PRKDC: variants seen among roughly 807,000 people sequenced by gnomAD.
The protein encoded by PRKDC is DNA-dependent protein kinase catalytic subunit.
Under a neutral mutation model 486.9 loss-of-function variants are expected in PRKDC, and 82 were observed. The observed-to-expected ratio is 0.17, with a 90% CI of 0.14 to 0.20. The LOEUF (loss-of-function observed/expected upper bound fraction) is 0.20, where lower values mean the gene tolerates loss of function less well. Among genes scored for constraint, PRKDC ranks in the 10% least tolerant of loss-of-function variants. PRKDC has a pLI of 1.00. For missense variants in PRKDC, 4,504 were observed against 5,038.2 expected (o/e 0.89, Z 3.21); for synonymous variants, 1,895 against 1,837.0 (o/e 1.03, Z -0.81).
At chr8:47,937,373 T>C (rs924238103) in intron 11 of PRKDC, among the ~76,000 whole-genome samples, 4 of 152,248 alleles carry the variant, frequency 2.6e-5, no homozygotes, top group Admixed American at 2.0e-4. Flanking sequence ...TTGTCAGCTA[T>C]GTTCTAGGCA....
At chr8:47,951,168 T>C (rs2090619104) in intron 7 of PRKDC, among the ~76,000 whole-genome samples, 1 of 152,052 alleles carries the variant, frequency 6.6e-6, no homozygotes, top group African/African-American at 2.4e-5. Context: ...GAGACCAGCC[T>C]GGGCAACATG....
chr8:47,848,898 C>T (rs2088336218), intron 54 of PRKDC, among the ~76,000 whole-genome samples: 1 of 152,144 alleles, frequency 6.6e-6, no homozygotes, highest in Non-Finnish European at 1.5e-5. Flanking sequence ...ACCCCATAGG[C>T]CACCTCCTTC....
chr8:47,886,842 C>CT (rs1318449880), intron 35 of PRKDC, among the ~76,000 whole-genome samples: 42 of 152,150 alleles, frequency 2.8e-4, no homozygotes, highest in Admixed American at 2.7e-3. Flanking sequence ...CATGTGCCAC[C>CT]ATACCTGGCT....
intron 85 of PRKDC, among the ~76,000 whole-genome samples, chr8:47,775,640 A>G (rs1232304237): frequency 6.6e-6 from 1 of 151,860 alleles, no homozygotes; most frequent in Non-Finnish European, 1.5e-5. Context: ...TGACTTGCAA[A>G]TATTTTATCC....
intron 16 of PRKDC, among the ~76,000 whole-genome samples, chr8:47,931,201 T>C (rs1003676671): frequency 6.6e-6 from 1 of 152,222 alleles, no homozygotes; most frequent in African/African-American, 2.4e-5. Flanking sequence ...GAAGATCAGT[T>C]TTAAACACGC....
chr8:47,930,604 TTTC>T (rs1190864949), intron 17 of PRKDC, 65 bp downstream of exon 17: 22 of 1,431,744 alleles, frequency 1.5e-5, no homozygotes, highest in Non-Finnish European at 2.1e-5. Context: ...ATATAAGGAA[TTTC>T]CTATATTACA....
intron 3 of PRKDC, 149 bp downstream of exon 3, chr8:47,957,022 A>G: frequency 2.1e-6 from 1 of 471,046 alleles, no homozygotes; most frequent in Admixed American, 4.0e-5. Flanking sequence ...AGCCCACTTC[A>G]TTTGTAACAC....
intron 16 of PRKDC, among the ~76,000 whole-genome samples, chr8:47,931,491 G>C (rs2090251873): frequency 6.6e-6 from 1 of 152,036 alleles, no homozygotes; most frequent in African/African-American, 2.4e-5. Flanking sequence ...AGTCCCTTTG[G>C]GCAAGTTTTT....
At position 47,777,758 on chromosome 8, in the gene PRKDC, G is replaced by C; in HGVS notation, c.11970C>G (p.Ala3990=). Residue 3990 remains alanine, a synonymous_variant, in exon 84 of 86, where the codon GCC becomes GCG. Coordinates refer to ENST00000314191, the MANE Select transcript of PRKDC (RefSeq NM_006904.7). The stretch of plus-strand genomic sequence containing the variant: ...TGAGCAGGCCAGGGTCTGAGCGGAA[G>C]GCCCGGAGTGCGTGTACCATGATGC... ...MYSIMVHALR[A]FRSDPGLLTN... 1 of 1,613,952 alleles carries C rather than the reference G, an allele frequency of 6.2e-7. No individual in the cohort carries two copies. Among genetic ancestry groups the C allele is most frequent in the African/African-American group, 1.3e-5 (1 of 75,046 alleles).
At position 47,907,458 on chromosome 8, in the gene PRKDC, T is replaced by C. The variant is rs531711865; in HGVS notation, c.2935-2482A>G. Among the ~76,000 whole-genome samples, 9 of 150,866 alleles carry C rather than the reference T, an allele frequency of 6.0e-5. No homozygotes were observed. In the South Asian group the frequency reaches 1.7e-3, roughly 28 times the overall value. ...CACACAATACAGACATACCCCTTTATAGAAAATCATCCCTCTACAATCCTA... is the reference window on the plus strand; with the variant it reads ...CACACAATACAGACATACCCCTTTACAGAAAATCATCCCTCTACAATCCTA... On this transcript the variant is annotated intron_variant, in intron 25 of 85. Transcript: ENST00000314191.
At chr8:47,900,501 A>G (rs769581741) in intron 27 of PRKDC, 34 bp from the exon 28 acceptor site, 1 of 1,497,268 alleles carries the variant, frequency 6.7e-7, no homozygotes, top group South Asian at 1.2e-5. Context: ...CTCACCTAAG[A>G]AAACAATAAA....
Position 47,783,701 on chromosome 8 carries a change from T to C in PRKDC, c.11175+41A>G, listed in dbSNP as rs540964152. 24 of 1,601,004 alleles carry C rather than the reference T, an allele frequency of 1.5e-5. No individual in the cohort carries two copies. In the African/African-American group the frequency reaches 1.6e-4, roughly 11 times the overall value. The stretch of plus-strand genomic sequence containing the variant: ...ACAGATCATTCTCATCTGAAGAACG[T>C]TCATCAGGACAGGGACTGGGTCACA... On this transcript the variant is annotated intron_variant, in intron 78 of 85. Coordinates refer to ENST00000314191, the MANE Select transcript of PRKDC (RefSeq NM_006904.7).
In PRKDC at chr8:47,893,243, A is replaced by T. The variant is rs1362154404; in HGVS notation, c.3743T>A (p.Phe1248Tyr). ...CCAGCATAGCGTGGCCTGCAGGCTGAATGGCCCCCGAAGGTACAAGAGGGT... is the reference window on the plus strand; with the variant it reads ...CCAGCATAGCGTGGCCTGCAGGCTGTATGGCCCCCGAAGGTACAAGAGGGT... ...QPTLLYLRGP[F>Y]SLQATLCWLD... Residue 1248 changes from phenylalanine (F) to tyrosine (Y), a missense_variant, in exon 31 of 86, where the codon TTC becomes TAC. Physicochemically the swap from Phe to Tyr is conservative, Grantham distance 22. Coordinates refer to ENST00000314191, the MANE Select transcript of PRKDC (RefSeq NM_006904.7). 1 of 1,612,716 alleles carries T rather than the reference A, an allele frequency of 6.2e-7. No individual in the cohort carries two copies. The highest frequency in any genetic ancestry group is 1.1e-5 in the South Asian group (1 of 90,836).
chr8:47,900,992 T>G (rs1251800277), intron 27 of PRKDC, among the ~76,000 whole-genome samples: 1 of 141,304 alleles, frequency 7.1e-6, no homozygotes, highest in Non-Finnish European at 1.5e-5. Context: ...TACAAAAAAT[T>G]AAAAAAAAAA....
At chr8:47,876,237 A>T (rs1431759249) in intron 40 of PRKDC, among the ~76,000 whole-genome samples, 1 of 152,226 alleles carries the variant, frequency 6.6e-6, no homozygotes, top group Non-Finnish European at 1.5e-5. Flanking sequence ...GAAGTTTATG[A>T]TCTGTAAAAT....
chr8:47,795,618 C>CTA (rs983191868), intron 73 of PRKDC, among the ~76,000 whole-genome samples: 2 of 151,376 alleles, frequency 1.3e-5, no homozygotes, highest in Non-Finnish European at 2.9e-5. Flanking sequence ...CTCAGCCTTC[C>CTA]GAGTAGCTGG....
At chr8:47,908,675 A>G (rs1297791970) in intron 25 of PRKDC, among the ~76,000 whole-genome samples, 1 of 152,184 alleles carries the variant, frequency 6.6e-6, no homozygotes, top group African/African-American at 2.4e-5. Context: ...TTTACAGAGG[A>G]TCTAACATCT....
At chr8:47,776,483 A>G (rs926580321) in intron 85 of PRKDC, among the ~76,000 whole-genome samples, 2 of 152,214 alleles carry the variant, frequency 1.3e-5, no homozygotes, top group African/African-American at 2.4e-5. Flanking sequence ...TACTATATTC[A>G]TCAGGGTCAA....
rs776356414 is a variant in PRKDC at position 47,890,237 on chromosome 8, A to T, written c.4071+20T>A. 2 of 1,575,360 alleles carry T rather than the reference A, an allele frequency of 1.3e-6. No individual in the cohort carries two copies. ...TTTTCCAGTACCAAAAACTGACCTCAAATTAACAGAGCAGCCTACCTTCCA... is the reference window on the plus strand; with the variant it reads ...TTTTCCAGTACCAAAAACTGACCTCTAATTAACAGAGCAGCCTACCTTCCA... On this transcript the variant is annotated intron_variant, in intron 32 of 85. Coordinates refer to ENST00000314191, the MANE Select transcript of PRKDC (RefSeq NM_006904.7).
Sources: allele counts gnomAD v4.1 joint callset (sites outside exome capture counted in the v4.1 genomes callset), GRCh38; gene constraint gnomAD v4.1.1; transcripts MANE v1.5; gene names NCBI Gene and HGNC (gene_info 2026-07-23, HGNC 2026-07-21).